Variants in COLEC12 observed in about 807,000 individuals in gnomAD.
COLEC12 encodes collectin subfamily member 12.
In COLEC12, 33 loss-of-function variants were observed where a neutral mutation model predicts 71.1. The ratio of observed to expected loss-of-function variants is 0.46; its 90% CI spans 0.35 to 0.62. COLEC12 has a LOEUF of 0.62. COLEC12 is among the 20% of genes least tolerant of loss of function. The probability of loss-of-function intolerance (pLI) is 0.00; values close to 1 mark genes in which losing one functional copy is unlikely to be tolerated. For synonymous variants in COLEC12, 350 were observed against 353.0 expected, an observed-to-expected ratio of 0.99 and a Z score of 0.10; for missense variants, 765 against 916.1, an observed-to-expected ratio of 0.84 and a Z score of 2.13.
rs1211426246 is a variant in COLEC12 at position 318,920 on chromosome 18, C to A, written c.*1125G>T. On this transcript the variant is annotated 3_prime_UTR_variant, in exon 10 of 10. Transcript: ENST00000400256. ...AACAAACTTTCCAGGTAACACGTAG[C>A]CGGTTCCCATCTTTCTAGCATCTCT... is the stretch of plus-strand genomic sequence containing the variant. 1.3e-5 allele frequency: 2 copies of A among 152,102 alleles called. No homozygotes were observed. The highest frequency in any genetic ancestry group is 2.4e-5 in the African/African-American group (1 of 41,396). The allele number at this position is 152,102 out of a possible 1,614,324, so 9.4% of individuals were successfully genotyped here. A position where few individuals can be genotyped will look rare whatever the true frequency, so the allele number is the denominator to read the frequency against.
In COLEC12 at chr18:347,066, T is replaced by C. The variant is rs767611556; in HGVS notation, c.556A>G (p.Ser186Gly). Reference protein sequence around the residue: ...GYVTNLQQDTSVLQGNLQNQM... With the variant: ...GYVTNLQQDTGVLQGNLQNQM... The stretch of plus-strand genomic sequence containing the variant: ...TTCTGCAGATTGCCCTGGAGCACGC[T>C]GGTATCTTGCTGCAGATTCGTGACA... The change falls in exon 5 of 10, where the codon AGC (serine) becomes GGC (glycine). Residue 186 changes from serine (S) to glycine (G), a missense_variant. Transcript: ENST00000400256. 8 of 1,614,196 alleles carry C rather than the reference T, an allele frequency of 5.0e-6. No individual in the cohort carries two copies. In the East Asian group the frequency reaches 1.1e-4, roughly 22 times the overall value.
chr18:375,057 T>C (rs972290921), intron 2 of COLEC12, among the ~76,000 whole-genome samples: 1 of 152,244 alleles, frequency 6.6e-6, no homozygotes, highest in African/African-American at 2.4e-5. Context: ...GCAACTGTTC[T>C]CATGGGAACC....
chr18:350,449 T>G (rs1446515720), intron 3 of COLEC12, among the ~76,000 whole-genome samples: 1 of 152,204 alleles, frequency 6.6e-6, no homozygotes, highest in Non-Finnish European at 1.5e-5. Flanking sequence ...ACAGCCACAC[T>G]AAATAAAAGC....
intron 2 of COLEC12, among the ~76,000 whole-genome samples, chr18:395,955 C>T (rs1206454537): frequency 6.6e-6 from 1 of 152,236 alleles, no homozygotes; most frequent in East Asian, 1.9e-4. Flanking sequence ...CCAGCCATTA[C>T]TGTGCAATTT....
intron 2 of COLEC12, among the ~76,000 whole-genome samples, chr18:431,690 T>C (rs1916307624): frequency 6.6e-6 from 1 of 152,300 alleles, no homozygotes; most frequent in South Asian, 2.1e-4. Context: ...AATAAGCAGT[T>C]AAGAAAACTG....
chr18:472,678 CAAAAAAAA>C (rs765169609), intron 2 of COLEC12, among the ~76,000 whole-genome samples: 41,976 of 94,128 alleles, frequency 0.45, 5,306 homozygotes, highest in South Asian at 0.61. Context: ...GGCCCTGTGA[CAAAAAAAA>C]AAAAAAAAAA....
At chr18:367,989 G>T (rs1316945184) in intron 2 of COLEC12, among the ~76,000 whole-genome samples, 1 of 152,044 alleles carries the variant, frequency 6.6e-6, no homozygotes, top group East Asian at 1.9e-4. Context: ...ATTTTCATGG[G>T]GCAGACAGCT....
chr18:368,392 G>A (rs955373124), intron 2 of COLEC12, among the ~76,000 whole-genome samples: 1 of 152,112 alleles, frequency 6.6e-6, no homozygotes, highest in African/African-American at 2.4e-5. Flanking sequence ...GGCCAATATG[G>A]TAAAACCTTA....
At chr18:388,079 C>T (rs1915384516) in intron 2 of COLEC12, among the ~76,000 whole-genome samples, 1 of 152,162 alleles carries the variant, frequency 6.6e-6, no homozygotes, top group Non-Finnish European at 1.5e-5. Context: ...CACCTTCTTT[C>T]ATTTCTACCT....
intron 2 of COLEC12, among the ~76,000 whole-genome samples, chr18:390,399 T>C (rs551226613): frequency 2.6e-5 from 4 of 152,344 alleles, no homozygotes; most frequent in African/African-American, 7.2e-5. Context: ...TTGCTGTATG[T>C]TCCATTAAAC....
At chr18:467,187 G>A (rs943812331) in intron 2 of COLEC12, among the ~76,000 whole-genome samples, 1 of 151,326 alleles carries the variant, frequency 6.6e-6, no homozygotes, top group Non-Finnish European at 1.5e-5. Flanking sequence ...TCAAAGTGAG[G>A]TTAACTATTT....
At chr18:348,699 C>T (rs16943071) in intron 3 of COLEC12, among the ~76,000 whole-genome samples, 1,682 of 152,278 alleles carry the variant, frequency 0.011, 31 homozygotes, top group African/African-American at 0.038. Context: ...GTTATGAGTT[C>T]CACCACAAGG....
intron 2 of COLEC12, among the ~76,000 whole-genome samples, chr18:426,416 A>C (rs1051105553): frequency 6.6e-6 from 1 of 152,186 alleles, no homozygotes; most frequent in Non-Finnish European, 1.5e-5. Context: ...GTAGGTAATG[A>C]AGAGCAATGT....
In COLEC12 at chr18:463,938, C is replaced by T. The variant is rs183676485; in HGVS notation, c.58+16769G>A. 2.0e-5 allele frequency among the ~76,000 whole-genome samples: 3 copies of T among 152,294 alleles called. No individual in the cohort carries two copies. In the East Asian group the frequency reaches 5.8e-4, roughly 29 times the overall value. ...TCTAGCTCACTAGCCTGGCCCATTC[C>T]CTGCACCTGCACCCTATGCCCTACA... On this transcript the variant is annotated intron_variant, in intron 2 of 9. Coordinates refer to ENST00000400256, the MANE Select transcript of COLEC12 (RefSeq NM_130386.3).
intron 2 of COLEC12, among the ~76,000 whole-genome samples, chr18:425,599 A>G (rs1916185130): frequency 6.6e-6 from 1 of 152,080 alleles, no homozygotes; most frequent in Non-Finnish European, 1.5e-5. Flanking sequence ...GAGGTGGGGG[A>G]GAATAAAATA....
intron 1 of COLEC12, among the ~76,000 whole-genome samples, chr18:486,964 T>C (rs556158827): frequency 6.6e-6 from 1 of 152,318 alleles, no homozygotes; most frequent in East Asian, 1.9e-4. Flanking sequence ...ATTCTGCTCC[T>C]AGGTTTATAC....
At chr18:419,337 C>A (rs1290483966) in intron 2 of COLEC12, among the ~76,000 whole-genome samples, 51 of 152,172 alleles carry the variant, frequency 3.4e-4, no homozygotes, top group Non-Finnish European at 5.9e-5. Flanking sequence ...TCCTGAGTAG[C>A]TGGGACTACA....
chr18:402,064 A>G (rs1915698279), intron 2 of COLEC12, among the ~76,000 whole-genome samples: 2 of 152,206 alleles, frequency 1.3e-5, no homozygotes, highest in Admixed American at 6.5e-5. Context: ...GGTTGAGGGT[A>G]GTTGTCTAGG....
intron 2 of COLEC12, among the ~76,000 whole-genome samples, chr18:372,262 A>T (rs573395891): frequency 2.0e-5 from 3 of 152,180 alleles, no homozygotes; most frequent in Admixed American, 1.3e-4. Flanking sequence ...ATTAATTTTT[A>T]TTGTATTGTC....
Sources: gnomAD v4.1 joint callset for allele counts (sites outside exome capture counted in the v4.1 genomes callset) on GRCh38, gnomAD v4.1.1 for gene constraint, MANE v1.5 for transcripts, NCBI Gene and HGNC (gene_info 2026-07-23, HGNC 2026-07-21) for gene names.